The following PCED1B variants were observed in gnomAD, a reference collection of about 807,000 sequenced individuals.
PCED1B encodes PC-esterase domain-containing protein 1B.
For missense variants in PCED1B, 573 were observed against 573.9 expected (o/e 1.00, Z 0.02); for synonymous variants, 251 against 246.1 (o/e 1.02, Z -0.19).
intron 3 of PCED1B, among the ~76,000 whole-genome samples, chr12:47,226,284 A>G (rs1342667373): frequency 1.3e-5 from 2 of 152,202 alleles, no homozygotes; most frequent in Non-Finnish European, 2.9e-5. Context: ...GATTCTTCCA[A>G]CAGTCTCAGG....
chr12:47,231,527 C>T (rs1943807262), intron 3 of PCED1B, among the ~76,000 whole-genome samples: 1 of 152,206 alleles, frequency 6.6e-6, no homozygotes, highest in South Asian at 2.1e-4. Flanking sequence ...CAGAGAAGGC[C>T]GCTTTTTCAC....
intron 3 of PCED1B, among the ~76,000 whole-genome samples, chr12:47,228,988 A>T (rs1471262421): frequency 1.3e-5 from 2 of 151,880 alleles, no homozygotes; most frequent in African/African-American, 4.8e-5. Flanking sequence ...GCATCATCTA[A>T]TTTGATCTTC....
Position 47,226,363 on chromosome 12 carries a change from G to A in PCED1B, c.-57-8644G>A, listed in dbSNP as rs567010320. Among the ~76,000 whole-genome samples, 104 of 152,162 alleles carry A rather than the reference G, an allele frequency of 6.8e-4. No individual in the cohort carries two copies. In the South Asian group the frequency reaches 7.3e-3, roughly 11 times the overall value. ...TGCCCATTTTCTTACCCCTCCTCTT[G>A]AGAGAAGAGATTGCCTCTCTTTTTG... is the stretch of plus-strand genomic sequence containing the variant. On this transcript the variant is annotated intron_variant, in intron 3 of 3. Transcript: ENST00000546455.
intron 2 of PCED1B, among the ~76,000 whole-genome samples, chr12:47,142,822 A>C (rs1279260886): frequency 3.3e-5 from 5 of 152,100 alleles, no homozygotes; most frequent in African/African-American, 9.7e-5. Flanking sequence ...ATAATAAAGA[A>C]GCCATGCGAT....
chr12:47,221,977 C>T (rs1442517123), intron 3 of PCED1B, among the ~76,000 whole-genome samples: 1 of 151,924 alleles, frequency 6.6e-6, no homozygotes, highest in Non-Finnish European at 1.5e-5. Flanking sequence ...GGGATGCACA[C>T]TTGTGGTCCC....
rs138160650 is a variant in PCED1B at position 47,187,185 on chromosome 12, C to A, written c.-525-29037C>A. Among the ~76,000 whole-genome samples the A allele has an allele frequency of 3.5e-3, 540 of 152,306 alleles. 1 individual carries two copies. Among genetic ancestry groups the A allele is most frequent in the African/African-American group, 0.012 (506 of 41,554 alleles). ...CAGATCTTTACCTTCTCCAGAAGCA[C>A]TCAGGAGTTTAGGTGAAAGATCCAG... On this transcript the variant is annotated intron_variant, in intron 2 of 3. Coordinates refer to ENST00000546455, the MANE Select transcript of PCED1B (RefSeq NM_138371.3).
At chr12:47,234,963 C>A in intron 3 of PCED1B, 44 bp from the exon 4 acceptor site, 1 of 1,177,748 alleles carries the variant, frequency 8.5e-7, no homozygotes, top group Non-Finnish European at 1.2e-6. Context: ...GGGCGCTCCG[C>A]CCAGAGGTGA....
chr12:47,149,850 T>A (rs1464468935), intron 2 of PCED1B, among the ~76,000 whole-genome samples: 2 of 152,190 alleles, frequency 1.3e-5, no homozygotes, highest in African/African-American at 4.8e-5. Context: ...GTAATATGGA[T>A]TCAGGGCAGA....
chr12:47,079,942 C>G (rs916900291), intron 1 of PCED1B: 1 of 151,616 alleles, frequency 6.6e-6, no homozygotes, highest in East Asian at 2.0e-4. Flanking sequence ...CTCCTGCGGG[C>G]AGCAGCTCGG....
intron 1 of PCED1B, chr12:47,080,041 C>A (rs1283801174): frequency 6.6e-6 from 1 of 152,156 alleles, no homozygotes; most frequent in Non-Finnish European, 1.5e-5. Context: ...AGGCGGCCGG[C>A]GCCCCCTCAT....
At chr12:47,192,694 C>T (rs1479319508) in intron 2 of PCED1B, among the ~76,000 whole-genome samples, 2 of 152,114 alleles carry the variant, frequency 1.3e-5, no homozygotes, top group Non-Finnish European at 2.9e-5. Context: ...TGACTGACTC[C>T]CAGGGCTCTC....
At chr12:47,107,180 G>A (rs1161671146) in intron 2 of PCED1B, among the ~76,000 whole-genome samples, 1 of 152,196 alleles carries the variant, frequency 6.6e-6, no homozygotes, top group Non-Finnish European at 1.5e-5. Flanking sequence ...GTTGATTCAT[G>A]TTCATGAAAG....
chr12:47,086,056 G>C (rs919545893), intron 1 of PCED1B, among the ~76,000 whole-genome samples: 5 of 152,148 alleles, frequency 3.3e-5, no homozygotes, highest in Non-Finnish European at 5.9e-5. Flanking sequence ...GAGAATTATA[G>C]CCATGCATAA....
intron 2 of PCED1B, among the ~76,000 whole-genome samples, chr12:47,201,834 A>T (rs762047417): frequency 1.3e-5 from 2 of 152,008 alleles, no homozygotes; most frequent in Non-Finnish European, 2.9e-5. Context: ...TCCTGAGCTC[A>T]AGTGTTCTGC....
chr12:47,093,724 A>G (rs1402882395), intron 1 of PCED1B, among the ~76,000 whole-genome samples: 16 of 151,780 alleles, frequency 1.1e-4, no homozygotes, highest in Non-Finnish European at 1.5e-5. Flanking sequence ...AATTTTGAGC[A>G]CTTGGGTTTT....
intron 1 of PCED1B, among the ~76,000 whole-genome samples, chr12:47,087,586 G>A (rs918553606): frequency 6.6e-6 from 1 of 152,162 alleles, no homozygotes; most frequent in East Asian, 1.9e-4. Flanking sequence ...AGGATATAAG[G>A]TGGTATAGAA....
At chr12:47,162,637 G>A (rs1039430291) in intron 2 of PCED1B, among the ~76,000 whole-genome samples, 1 of 152,168 alleles carries the variant, frequency 6.6e-6, no homozygotes, top group Non-Finnish European at 1.5e-5. Flanking sequence ...GCTACATGGT[G>A]AGAGAGGCAA....
chr12:47,104,777 C>T (rs1402212021), intron 2 of PCED1B, among the ~76,000 whole-genome samples: 1 of 152,116 alleles, frequency 6.6e-6, no homozygotes, highest in Non-Finnish European at 1.5e-5. Flanking sequence ...ACCCAGATGA[C>T]CACACTTGGT....
intron 3 of PCED1B, among the ~76,000 whole-genome samples, chr12:47,218,460 T>A (rs1023377520): frequency 2.6e-5 from 4 of 152,170 alleles, no homozygotes; most frequent in Non-Finnish European, 5.9e-5. Context: ...AACTCAAGTT[T>A]CCAGAATCCT....
Sources: gnomAD v4.1 joint callset for allele counts (sites outside exome capture counted in the v4.1 genomes callset) on GRCh38, gnomAD v4.1.1 for gene constraint, MANE v1.5 for transcripts, NCBI Gene and HGNC (gene_info 2026-07-23, HGNC 2026-07-21) for gene names.